BRWD1: variants seen among roughly 807,000 people sequenced by gnomAD.
BRWD1 encodes the protein bromodomain and WD repeat domain containing 1.
BRWD1 carries 82 observed loss-of-function variants against 251.2 expected under a neutral mutation model. That is an observed-to-expected ratio of 0.33 (90% CI 0.27 to 0.39). The LOEUF is 0.39. Ranked by LOEUF, BRWD1 falls within the 10% of genes least tolerant of loss-of-function variation. BRWD1 has a pLI of 1.00. For missense variants in BRWD1, 2,233 were observed against 2,711.6 expected, an observed-to-expected ratio of 0.82 and a Z score of 3.92; for synonymous variants, 918 against 902.8, an observed-to-expected ratio of 1.02 and a Z score of -0.30.
At chr21:39,224,284 GT>G in intron 29 of BRWD1, 123 bp downstream of exon 29, 1 of 522,408 alleles carries the variant, frequency 1.9e-6, no homozygotes, top group Non-Finnish European at 3.3e-6. Flanking sequence ...TTTCAGTAAA[GT>G]TCAGTTACTG....
chr21:39,193,410 TA>T lies in BRWD1; in HGVS notation c.*2848del. The T allele has an allele frequency of 1.0e-6, 1 of 984,742 alleles. No homozygotes were observed. The highest frequency in any genetic ancestry group is 4.7e-5 in the South Asian group (1 of 21,270). 61.0% of individuals were successfully genotyped at this position (984,742 alleles called of 1,614,324 possible). On this transcript the variant is annotated 3_prime_UTR_variant, in exon 41 of 41. Coordinates refer to ENST00000342449, the MANE Select transcript of BRWD1 (RefSeq NM_033656.4). ...ACTTCACATTGTAAGTATACCTTTT[TA>T]AATAAGGAGGACACGAAAAAAGAAA...
Position 39,223,482 on chromosome 21 carries a change from C to G in BRWD1, c.3382+926G>C, listed in dbSNP as rs567642901. On this transcript the variant is annotated intron_variant, in intron 29 of 40. Coordinates refer to ENST00000342449, the MANE Select transcript of BRWD1 (RefSeq NM_033656.4). ...AATGGACACAAGAGATATAGAGTAC[C>G]CTTTCAAAAAGTTTCGCAAAAGGGA... 7.2e-5 allele frequency among the ~76,000 whole-genome samples: 11 copies of G among 152,006 alleles called. No individual in the cohort carries two copies. The East Asian group carries it at 1.7e-3, about 24-fold the overall frequency.
At position 39,188,565 on chromosome 21, in the gene BRWD1, A is replaced by G. The variant is rs1355263065; in HGVS notation, c.*7694T>C. 4 of 985,418 alleles carry G rather than the reference A, an allele frequency of 4.1e-6. No individual in the cohort carries two copies. The highest frequency in any genetic ancestry group is 4.8e-6 in the Non-Finnish European group (4 of 829,904). 61.0% of individuals were successfully genotyped at this position (985,418 alleles called of 1,614,324 possible). Reference sequence around the variant, plus strand: ...CTGTGAAGATGTTTGCCCTTCTGTCACAAAGCTGACTGAAGGGCAGATGAG... The same window carrying G: ...CTGTGAAGATGTTTGCCCTTCTGTCGCAAAGCTGACTGAAGGGCAGATGAG... On this transcript the variant is annotated 3_prime_UTR_variant, in exon 41 of 41. Coordinates refer to ENST00000342449, the MANE Select transcript of BRWD1 (RefSeq NM_033656.4).
chr21:39,296,465 T>C (rs1601486728), intron 5 of BRWD1, 102 bp from the exon 6 acceptor site: 2 of 1,308,038 alleles, frequency 1.5e-6, no homozygotes, highest in East Asian at 2.8e-5. Flanking sequence ...TTATTCAACA[T>C]TTTACCAACT....
rs964960871 is a variant in BRWD1 at position 39,304,352 on chromosome 21, T to C, written c.199-5770A>G. On this transcript the variant is annotated intron_variant, in intron 4 of 40. Transcript: ENST00000342449. ...TGAGCAAGGCACAGTGGCTCACACC[T>C]ATAATCCCAGCACTTTGGGAAGCCA... 2.6e-5 allele frequency among the ~76,000 whole-genome samples: 4 copies of C among 152,070 alleles called. No homozygotes were observed. In the South Asian group the frequency reaches 8.3e-4, roughly 31 times the overall value.
intron 27 of BRWD1, 91 bp downstream of exon 27, chr21:39,228,409 A>G (rs1203133399): frequency 1.2e-6 from 1 of 800,286 alleles, no homozygotes; most frequent in Non-Finnish European, 2.1e-6. Context: ...GTTTGTATAT[A>G]CTATAATTAA....
At chr21:39,307,929 C>T (rs1224702169) in intron 4 of BRWD1, among the ~76,000 whole-genome samples, 1 of 152,094 alleles carries the variant, frequency 6.6e-6, no homozygotes, top group African/African-American at 2.4e-5. Flanking sequence ...AACTTGGGGA[C>T]ACTTAATGAT....
Position 39,196,957 on chromosome 21 carries a change from T to G in BRWD1, c.6112A>C (p.Ile2038Leu), listed in dbSNP as rs778301042. The G allele has an allele frequency of 7.4e-6, 12 of 1,614,010 alleles. No homozygotes were observed. In the South Asian group the frequency reaches 1.3e-4, roughly 18 times the overall value. Residue 2038 changes from isoleucine (I) to leucine (L), a missense_variant, in exon 41 of 41, where the codon ATA (isoleucine) becomes CTA (leucine). Around this residue, in one of 12 missense-constraint regions of BRWD1, gnomAD observed 928 missense variants for 970.0 expected, o/e 0.96. Coordinates refer to ENST00000342449, the MANE Select transcript of BRWD1 (RefSeq NM_033656.4). ...HKHRHTNIHK[I>L]DAPSKRKSSS... ...CTTTTTCTTTTAGAAGGTGCATCTA[T>G]TTTGTGAATATTGGTATGCCTGTGC...
chr21:39,217,051 TTATATA>T (rs1192153828), intron 31 of BRWD1: 5 of 21,166 alleles, frequency 2.4e-4, no homozygotes, highest in Admixed American at 7.1e-4. Context: ...ATATATATAT[TTATATA>T]TATATATATA....
chr21:39,304,622 A>AC (rs1226657779), intron 4 of BRWD1, among the ~76,000 whole-genome samples: 2 of 151,498 alleles, frequency 1.3e-5, no homozygotes, highest in African/African-American at 4.9e-5. Context: ...TGGAAAACAA[A>AC]AAAAAAATAC....
intron 1 of BRWD1, among the ~76,000 whole-genome samples, chr21:39,318,866 C>T (rs570578375): frequency 3.3e-5 from 5 of 152,252 alleles, no homozygotes; most frequent in South Asian, 4.1e-4. Context: ...GTGATCCTCC[C>T]GCCTTGATCT....
rs2036593704 is a variant in BRWD1 at position 39,313,524 on chromosome 21, G to A, written c.-33C>T. On this transcript the variant is annotated 5_prime_UTR_variant, in exon 1 of 41. Transcript: ENST00000342449. ...CGCGGGGCGGGAGGCGGGAGCGAGC[G>A]AGCGAGCGGAGCGTGTAGGCCGCGC... The A allele has an allele frequency of 7.5e-7, 1 of 1,327,112 alleles. No homozygotes were observed. The highest frequency in any genetic ancestry group is 9.6e-7 in the Non-Finnish European group (1 of 1,044,958). The allele number at this position is 1,327,112 out of a possible 1,614,324, so 82.2% of individuals were successfully genotyped here.
intron 8 of BRWD1, among the ~76,000 whole-genome samples, chr21:39,286,318 C>T (rs942896032): frequency 2.6e-5 from 4 of 151,870 alleles, no homozygotes; most frequent in African/African-American, 9.7e-5. Context: ...GCGCCCGGCC[C>T]ATATGAACCA....
chr21:39,285,403 C>T (rs2035601455), intron 8 of BRWD1, among the ~76,000 whole-genome samples: 2 of 151,976 alleles, frequency 1.3e-5, no homozygotes, highest in Admixed American at 6.6e-5. Context: ...TTCTGGTGTT[C>T]CATTACACAG....
At chr21:39,226,209 A>G (rs945738541) in intron 27 of BRWD1, among the ~76,000 whole-genome samples, 1 of 152,160 alleles carries the variant, frequency 6.6e-6, no homozygotes, top group African/African-American at 2.4e-5. Flanking sequence ...TGTCTTTTCT[A>G]TGTTTTTGCT....
rs2032377197 is a variant in BRWD1 at position 39,206,117 on chromosome 21, T to C, written c.4355A>G (p.Lys1452Arg). The change falls in exon 37 of 41, where the codon AAA (lysine) becomes AGA (arginine). Residue 1452 changes from lysine (K) to arginine (R), a missense_variant. Lys to Arg is a conservative substitution (Grantham distance 26). Coordinates refer to ENST00000342449, the MANE Select transcript of BRWD1 (RefSeq NM_033656.4). ...GCCATAACCAGTTTACCTGATACTTTTGTTAGGCTGACTGTCACCTTTACA... is the reference window on the plus strand; with the variant it reads ...GCCATAACCAGTTTACCTGATACTTCTGTTAGGCTGACTGTCACCTTTACA... Reference protein sequence around the residue: ...QNCKGDSQPNKSIRNLKPKRL... With the variant: ...QNCKGDSQPNRSIRNLKPKRL... 6.2e-7 allele frequency: 1 copy of C among 1,606,714 alleles called. No individual in the cohort carries two copies. The highest frequency in any genetic ancestry group is 8.5e-7 in the Non-Finnish European group (1 of 1,177,950).
At chr21:39,288,247 G>T (rs1252017244) in intron 8 of BRWD1, among the ~76,000 whole-genome samples, 3 of 152,044 alleles carry the variant, frequency 2.0e-5, no homozygotes, top group Admixed American at 6.6e-5. Context: ...TAAGACAAAA[G>T]ATATTTCATT....
chr21:39,243,986 A>T (rs1301557559), intron 21 of BRWD1, among the ~76,000 whole-genome samples: 4 of 151,760 alleles, frequency 2.6e-5, no homozygotes, highest in African/African-American at 7.3e-5. Context: ...CATTCAATAA[A>T]TTTTTTTTTA....
In BRWD1 at chr21:39,251,015, C is replaced by G. The variant is rs978976506; in HGVS notation, c.2256-126G>C. ...TGTACTTTAAAAATACACAAAATCT[C>G]TGAAGTTAAAACATGTTAAAAATTT... On this transcript the variant is annotated intron_variant, in intron 19 of 40. Coordinates refer to ENST00000342449, the MANE Select transcript of BRWD1 (RefSeq NM_033656.4). 22 of 603,154 alleles carry G rather than the reference C, an allele frequency of 3.6e-5. 1 individual carries two copies. The highest frequency in any genetic ancestry group is 7.1e-5 in the South Asian group (3 of 42,368). The allele number at this position is 603,154 out of a possible 1,614,324, so 37.4% of individuals were successfully genotyped here.
Sources: gnomAD v4.1 joint callset for allele counts (sites outside exome capture counted in the v4.1 genomes callset) on GRCh38, gnomAD v4.1.1 for gene constraint, gnomAD v4.1.1 regional missense constraint, MANE v1.5 for transcripts, NCBI Gene and HGNC (gene_info 2026-07-23, HGNC 2026-07-21) for gene names.